PMF1: variants seen among roughly 807,000 people sequenced by gnomAD.
PMF1 encodes polyamine-modulated factor 1.
In PMF1, 21 loss-of-function variants were observed where a neutral mutation model predicts 26.7. The ratio of observed to expected loss-of-function variants is 0.79; its 90% CI spans 0.56 to 1.13. PMF1 has a LOEUF of 1.13. Ranked by LOEUF, PMF1 falls within the 50% of genes most tolerant of loss-of-function variation. The pLI is 0.00. For synonymous variants in PMF1, 105 were observed against 101.0 expected, an observed-to-expected ratio of 1.04 and a Z score of -0.24; for missense variants, 266 against 254.9, an observed-to-expected ratio of 1.04 and a Z score of -0.30.
Position 156,235,031 on chromosome 1 carries a change from G to A in PMF1, c.369-1257G>A, listed in dbSNP as rs148368196. 4.2e-3 allele frequency among the ~76,000 whole-genome samples: 642 copies of A among 152,274 alleles called. 2 individuals are homozygous for A. Among genetic ancestry groups the A allele is most frequent in the African/African-American group, 0.015 (613 of 41,528 alleles). On this transcript the variant is annotated intron_variant, in intron 3 of 4. Coordinates refer to ENST00000368277, the MANE Select transcript of PMF1 (RefSeq NM_007221.4). ...CCCTCCCTTAGAATCCTAGGCCAGA[G>A]GGAGTAGAAATCTTTTTTGTAATTT...
intron 1 of PMF1, among the ~76,000 whole-genome samples, chr1:156,222,076 G>A (rs1365280093): frequency 2.0e-5 from 3 of 152,134 alleles, no homozygotes; most frequent in Admixed American, 6.6e-5. Flanking sequence ...TTGGTTCAGG[G>A]TTGCTTCCAG....
intron 1 of PMF1, among the ~76,000 whole-genome samples, chr1:156,215,292 C>T (rs1657643276): frequency 6.6e-6 from 1 of 152,092 alleles, no homozygotes; most frequent in Admixed American, 6.6e-5. Context: ...TTGGCTACAG[C>T]ATAGTGATCA....
chr1:156,214,859 GATTATT>G (rs1199555277), intron 1 of PMF1, among the ~76,000 whole-genome samples: 188 of 149,352 alleles, frequency 1.3e-3, no homozygotes, highest in African/African-American at 3.6e-3. Context: ...GAAGGAACCA[GATTATT>G]ATTATTATTA....
At chr1:156,217,284 G>A (rs528647233) in intron 1 of PMF1, among the ~76,000 whole-genome samples, 7 of 151,984 alleles carry the variant, frequency 4.6e-5, no homozygotes, top group South Asian at 2.1e-4. Flanking sequence ...GGGGAAGAGG[G>A]GTCAGGGTGA....
At chr1:156,214,857 CA>C (rs2103070328) in intron 1 of PMF1, among the ~76,000 whole-genome samples, 1 of 150,408 alleles carries the variant, frequency 6.6e-6, no homozygotes, top group African/African-American at 2.4e-5. Flanking sequence ...GAGAAGGAAC[CA>C]GATTATTATT....
intron 1 of PMF1, among the ~76,000 whole-genome samples, chr1:156,228,317 G>A (rs1658505013): frequency 8.5e-6 from 1 of 117,472 alleles, no homozygotes; most frequent in Non-Finnish European, 1.6e-5. Context: ...TTCTCCCTGA[G>A]TATATTTTTC....
intron 1 of PMF1, chr1:156,225,469 G>T (rs1572490447): frequency 1.4e-6 from 1 of 698,800 alleles, no homozygotes; most frequent in South Asian, 1.6e-5. Flanking sequence ...TTTCCCCACA[G>T]TTGGCAAAGT....
At chr1:156,225,937 C>T (rs1001269264) in intron 1 of PMF1, among the ~76,000 whole-genome samples, 5 of 152,032 alleles carry the variant, frequency 3.3e-5, no homozygotes, top group African/African-American at 1.2e-4. Context: ...TCACTACAGC[C>T]TCCACCTCCC....
intron 1 of PMF1, among the ~76,000 whole-genome samples, chr1:156,232,020 C>T (rs1173271612): frequency 6.6e-6 from 1 of 152,212 alleles, no homozygotes; most frequent in Non-Finnish European, 1.5e-5. Flanking sequence ...CACCATCAGC[C>T]TAACCCGAGA....
intron 1 of PMF1, among the ~76,000 whole-genome samples, chr1:156,222,651 G>C (rs577352663): frequency 3.9e-5 from 6 of 152,028 alleles, no homozygotes; most frequent in Non-Finnish European, 7.4e-5. Context: ...CAAAGTTCTG[G>C]GACTACAGAC....
intron 1 of PMF1, among the ~76,000 whole-genome samples, chr1:156,221,414 A>G (rs764489710): frequency 1.3e-5 from 2 of 152,172 alleles, no homozygotes. Context: ...ATTTGTCATG[A>G]TAGACACCGG....
intron 1 of PMF1, among the ~76,000 whole-genome samples, chr1:156,214,870 T>C (rs1275734628): frequency 6.7e-6 from 1 of 150,242 alleles, no homozygotes; most frequent in Non-Finnish European, 1.5e-5. Context: ...ATTATTATTA[T>C]TATTATTATT....
intron 1 of PMF1, among the ~76,000 whole-genome samples, chr1:156,219,890 C>T (rs1164633375): frequency 1.3e-5 from 2 of 152,094 alleles, no homozygotes; most frequent in Non-Finnish European, 2.9e-5. Context: ...GCTGGGACTA[C>T]AGGCACACAC....
Position 156,213,168 on chromosome 1 carries a change from C to T in PMF1, c.153C>T (p.Ala51=), listed in dbSNP as rs1279465226. 6.2e-7 allele frequency: 1 copy of T among 1,612,676 alleles called. No individual in the cohort carries two copies. The highest frequency in any genetic ancestry group is 1.3e-5 in the African/African-American group (1 of 74,918). ...MVDTFLQKLV[A]AGSYQRFTDC... ...ACACTTTTCTTCAGAAGCTGGTCGCCGCCGGCAGGTAAAGTGGACGCAGCC... is the reference window on the plus strand; with the variant it reads ...ACACTTTTCTTCAGAAGCTGGTCGCTGCCGGCAGGTAAAGTGGACGCAGCC... Residue 51 remains alanine (A), a synonymous_variant, in exon 1 of 5, where the codon GCC becomes GCT. Transcript: ENST00000368277.
chr1:156,238,818 T>C (rs1284952939), intron 4 of PMF1, among the ~76,000 whole-genome samples: 3 of 151,202 alleles, frequency 2.0e-5, no homozygotes, highest in African/African-American at 7.3e-5. Context: ...CTCCCTCTGC[T>C]CTCCCCACAT....
intron 1 of PMF1, among the ~76,000 whole-genome samples, chr1:156,230,440 C>T (rs1658627320): frequency 6.6e-6 from 1 of 152,212 alleles, no homozygotes; most frequent in African/African-American, 2.4e-5. Context: ...TCTGCCATCT[C>T]TCCTTCTCTA....
At chr1:156,237,423 C>G (rs1659085234) in intron 4 of PMF1, 2 of 151,458 alleles carry the variant, frequency 1.3e-5, no homozygotes, top group Admixed American at 1.3e-4. Context: ...TCTCTGCATC[C>G]TCACCAGCAT....
intron 1 of PMF1, among the ~76,000 whole-genome samples, chr1:156,216,614 C>CG (rs1657726242): frequency 6.6e-6 from 1 of 151,814 alleles, no homozygotes; most frequent in South Asian, 2.1e-4. Context: ...CTCCCGGTGC[C>CG]GGCCCGGGTC....
At chr1:156,236,638 C>A in intron 4 of PMF1, 155 bp downstream of exon 4, 1 of 991,798 alleles carries the variant, frequency 1.0e-6, no homozygotes, top group Non-Finnish European at 1.4e-6. Flanking sequence ...TCTCCTTGGG[C>A]GTGTGCAGTA....
Sources: allele counts gnomAD v4.1 joint callset (sites outside exome capture counted in the v4.1 genomes callset), GRCh38; gene constraint gnomAD v4.1.1; transcripts MANE v1.5; gene names NCBI Gene and HGNC (gene_info 2026-07-23, HGNC 2026-07-21).